Variants in UBE2E2 observed in about 807,000 individuals in gnomAD.
UBE2E2 encodes the protein ubiquitin conjugating enzyme E2 E2, also known as ubiquitin-conjugating enzyme E2 E2.
UBE2E2 carries 6 observed loss-of-function variants against 24.7 expected under a neutral mutation model. The ratio of observed to expected loss-of-function variants is 0.24; its 90% CI spans 0.13 to 0.48. The LOEUF (loss-of-function observed/expected upper bound fraction) is 0.48, where lower values mean the gene tolerates loss of function less well. Ranked by LOEUF, UBE2E2 falls within the 20% of genes least tolerant of loss-of-function variation. The pLI, the probability that UBE2E2 is intolerant of heterozygous loss-of-function variation, is 0.99. For missense variants in UBE2E2, 169 were observed against 245.0 expected, an observed-to-expected ratio of 0.69 and a Z score of 2.07; for synonymous variants, 104 against 83.6, an observed-to-expected ratio of 1.24 and a Z score of -1.33.
At chr3:23,219,309 C>T (rs1161416567) in intron 3 of UBE2E2, among the ~76,000 whole-genome samples, 1 of 152,160 alleles carries the variant, frequency 6.6e-6, no homozygotes, top group African/African-American at 2.4e-5. Flanking sequence ...TTAATCAACA[C>T]TTATCAGTGT....
intron 3 of UBE2E2, among the ~76,000 whole-genome samples, chr3:23,390,734 C>T (rs1696914317): frequency 6.6e-6 from 1 of 152,224 alleles, no homozygotes; most frequent in Admixed American, 6.5e-5. Context: ...TGCTCCCTCT[C>T]CCACAAGGGG....
chr3:23,419,049 G>A (rs775294973), intron 3 of UBE2E2, among the ~76,000 whole-genome samples: 2 of 151,922 alleles, frequency 1.3e-5, no homozygotes, highest in Non-Finnish European at 2.9e-5. Flanking sequence ...AATCTCCTGG[G>A]CCCAAGGGAA....
chr3:23,532,152 A>G (rs915601474), intron 4 of UBE2E2, among the ~76,000 whole-genome samples: 5 of 152,036 alleles, frequency 3.3e-5, no homozygotes, highest in Non-Finnish European at 7.4e-5. Context: ...TTTGAATATT[A>G]TAAATGTACA....
chr3:23,398,309 T>G, intron 3 of UBE2E2, among the ~76,000 whole-genome samples: 1 of 55,656 alleles, frequency 1.8e-5, no homozygotes. Flanking sequence ...CAAGACTCCA[T>G]CTCAAAAAAA....
At chr3:23,272,537 C>T (rs1337828974) in intron 3 of UBE2E2, among the ~76,000 whole-genome samples, 5 of 152,184 alleles carry the variant, frequency 3.3e-5, no homozygotes, top group Admixed American at 6.5e-5. Flanking sequence ...GAGCGAGGGC[C>T]GCCAGCACGT....
At chr3:23,585,982 A>G (rs573053788) in intron 5 of UBE2E2, among the ~76,000 whole-genome samples, 66 of 152,030 alleles carry the variant, frequency 4.3e-4, no homozygotes, top group African/African-American at 1.6e-3. Context: ...ACATTCTGCT[A>G]AGAAACAGTA....
intron 3 of UBE2E2, among the ~76,000 whole-genome samples, chr3:23,383,511 G>C (rs1028642356): frequency 6.6e-6 from 1 of 151,852 alleles, no homozygotes; most frequent in Non-Finnish European, 1.5e-5. Context: ...CATTGCAGTG[G>C]CACTGCATAC....
intron 3 of UBE2E2, among the ~76,000 whole-genome samples, chr3:23,359,187 T>C (rs1696046687): frequency 1.3e-5 from 2 of 152,164 alleles, no homozygotes; most frequent in African/African-American, 4.8e-5. Context: ...TTGCCTGTGT[T>C]TCTTGTACTC....
At chr3:23,586,297 CT>C (rs370632353) in intron 5 of UBE2E2, among the ~76,000 whole-genome samples, 1 of 152,054 alleles carries the variant, frequency 6.6e-6, no homozygotes, top group African/African-American at 2.4e-5. Flanking sequence ...TGTTAGTGGT[CT>C]TTTTTATTTT....
chr3:23,499,872 T>A, intron 4 of UBE2E2, 132 bp downstream of exon 4: 1 of 1,096,620 alleles, frequency 9.1e-7, no homozygotes. Flanking sequence ...GGATTGATAG[T>A]GTATAAAATG....
At chr3:23,203,724 T>C (rs138469367) in intron 1 of UBE2E2, among the ~76,000 whole-genome samples, 21 of 136,122 alleles carry the variant, frequency 1.5e-4, no homozygotes, top group Middle Eastern at 3.6e-3. Context: ...CTGTCCTCCT[T>C]CTACCCCCTT....
intron 3 of UBE2E2, among the ~76,000 whole-genome samples, chr3:23,418,301 C>G (rs926417458): frequency 1.3e-5 from 2 of 152,176 alleles, no homozygotes; most frequent in Non-Finnish European, 2.9e-5. Flanking sequence ...CTTACCTTGG[C>G]TAGGGGAGCG....
At chr3:23,272,220 T>C (rs928768483) in intron 3 of UBE2E2, among the ~76,000 whole-genome samples, 1 of 152,162 alleles carries the variant, frequency 6.6e-6, no homozygotes, top group African/African-American at 2.4e-5. Flanking sequence ...ACGGGCAGTC[T>C]GGCACTGCTG....
intron 3 of UBE2E2, among the ~76,000 whole-genome samples, chr3:23,380,162 G>A (rs1696632530): frequency 6.7e-6 from 1 of 149,016 alleles, no homozygotes. Flanking sequence ...TGTTGAAATT[G>A]CTATACTCTT....
At chr3:23,265,576 C>A (rs1307969923) in intron 3 of UBE2E2, among the ~76,000 whole-genome samples, 2 of 152,184 alleles carry the variant, frequency 1.3e-5, no homozygotes, top group Non-Finnish European at 2.9e-5. Context: ...TTTGCCATAT[C>A]TCCTCCAGTG....
At chr3:23,410,732 G>C (rs1432325474) in intron 3 of UBE2E2, among the ~76,000 whole-genome samples, 2 of 152,152 alleles carry the variant, frequency 1.3e-5, no homozygotes, top group African/African-American at 4.8e-5. Flanking sequence ...TAAGGTAAAA[G>C]CAGAAAACAT....
intron 3 of UBE2E2, among the ~76,000 whole-genome samples, chr3:23,465,739 T>G (rs968414779): frequency 2.6e-5 from 4 of 152,220 alleles, no homozygotes; most frequent in African/African-American, 4.8e-5. Flanking sequence ...TTTCCTTAAC[T>G]AATGATAAGT....
chr3:23,381,718 T>C (rs1205593291), intron 3 of UBE2E2, among the ~76,000 whole-genome samples: 1 of 152,246 alleles, frequency 6.6e-6, no homozygotes, highest in Admixed American at 6.5e-5. Context: ...GATAACTTTT[T>C]CTGTCAATGA....
intron 3 of UBE2E2, among the ~76,000 whole-genome samples, chr3:23,360,215 C>T (rs184100242): frequency 1.3e-5 from 2 of 152,230 alleles, no homozygotes; most frequent in African/African-American, 4.8e-5. Flanking sequence ...CATAGTCATC[C>T]AGAAAAGTTC....
Sources: gnomAD v4.1 joint callset for allele counts (sites outside exome capture counted in the v4.1 genomes callset) on GRCh38, gnomAD v4.1.1 for gene constraint, MANE v1.5 for transcripts, NCBI Gene and HGNC (gene_info 2026-07-23, HGNC 2026-07-21) for gene names.